The following ZDHHC14 variants were observed in gnomAD, a reference collection of about 807,000 sequenced individuals.
ZDHHC14 encodes the protein palmitoyltransferase ZDHHC14.
Under a neutral mutation model 47.7 loss-of-function variants are expected in ZDHHC14, and 16 were observed. The observed-to-expected ratio is 0.34, with a 90% CI of 0.23 to 0.51. ZDHHC14 has a LOEUF of 0.51. Among genes scored for constraint, ZDHHC14 ranks in the 20% least tolerant of loss-of-function variants. The pLI is 0.97. For missense variants in ZDHHC14, 515 were observed against 662.5 expected (o/e 0.78, Z 2.44); for synonymous variants, 293 against 278.9 (o/e 1.05, Z -0.50).
At chr6:157,646,955 T>C (rs1777584435) in intron 6 of ZDHHC14, among the ~76,000 whole-genome samples, 1 of 152,206 alleles carries the variant, frequency 6.6e-6, no homozygotes. Context: ...TAATTATTAT[T>C]TAGGGCACTA....
At chr6:157,663,822 C>T (rs1778441451) in intron 8 of ZDHHC14, among the ~76,000 whole-genome samples, 1 of 152,214 alleles carries the variant, frequency 6.6e-6, no homozygotes, top group Non-Finnish European at 1.5e-5. Context: ...ATACCACATG[C>T]TGTTCCAAGC....
chr6:157,601,266 C>T (rs2114906920), intron 3 of ZDHHC14, among the ~76,000 whole-genome samples: 1 of 152,238 alleles, frequency 6.6e-6, no homozygotes, highest in South Asian at 2.1e-4. Flanking sequence ...AAAACACTGC[C>T]ATGATTTACA....
At chr6:157,570,523 G>A (rs977973841) in intron 2 of ZDHHC14, among the ~76,000 whole-genome samples, 12 of 152,078 alleles carry the variant, frequency 7.9e-5, no homozygotes, top group African/African-American at 2.9e-4. Context: ...ACAATTTGAG[G>A]GAAATTAAAA....
intron 1 of ZDHHC14, among the ~76,000 whole-genome samples, chr6:157,467,802 G>A (rs1340404771): frequency 1.3e-5 from 2 of 151,942 alleles, no homozygotes; most frequent in Non-Finnish European, 2.9e-5. Context: ...CGCCCATCCC[G>A]GCCTCCCAAA....
chr6:157,484,148 A>G (rs1377832449), intron 1 of ZDHHC14, among the ~76,000 whole-genome samples: 2 of 151,226 alleles, frequency 1.3e-5, no homozygotes, highest in Admixed American at 6.6e-5. Flanking sequence ...TCTTGAGGGT[A>G]GGGGGTGCGG....
rs550363901 is a variant in ZDHHC14 at position 157,401,005 on chromosome 6, T to C, written c.245+18739T>C. ...CTAAATCAGTCTTTCTAGCACTGCA[T>C]TGAAAACAATATGCCCTTGAGTGGA... On this transcript the variant is annotated intron_variant, in intron 1 of 8. Transcript: ENST00000359775. Among the ~76,000 whole-genome samples the C allele has an allele frequency of 2.0e-5, 3 of 152,366 alleles. No individual in the cohort carries two copies. In the South Asian group the frequency reaches 6.2e-4, roughly 32 times the overall value.
chr6:157,639,711 C>T (rs1777155699), intron 5 of ZDHHC14, among the ~76,000 whole-genome samples: 1 of 152,096 alleles, frequency 6.6e-6, no homozygotes, highest in African/African-American at 2.4e-5. Context: ...TAGGGAGAAG[C>T]AGGGCAGTGG....
At chr6:157,509,025 T>A (rs925688373) in intron 1 of ZDHHC14, among the ~76,000 whole-genome samples, 2 of 152,184 alleles carry the variant, frequency 1.3e-5, no homozygotes, top group African/African-American at 2.4e-5. Context: ...GGCCAGGGGT[T>A]AACCTCAGCT....
intron 1 of ZDHHC14, among the ~76,000 whole-genome samples, chr6:157,480,912 A>G (rs1223169270): frequency 1.3e-5 from 2 of 152,238 alleles, no homozygotes; most frequent in Non-Finnish European, 2.9e-5. Flanking sequence ...TCTTGAAAAT[A>G]AAATTTTGAT....
chr6:157,522,834 TCCCTTCCTTCCTTC>T (rs1318872152), intron 1 of ZDHHC14, among the ~76,000 whole-genome samples: 1 of 41,126 alleles, frequency 2.4e-5, no homozygotes, highest in Non-Finnish European at 4.0e-5. Flanking sequence ...CCTCCCTCCC[TCCCTTCCTTCCTTC>T]CTTTCCTCCC....
At chr6:157,465,730 A>G (rs1388893218) in intron 1 of ZDHHC14, among the ~76,000 whole-genome samples, 6 of 152,148 alleles carry the variant, frequency 3.9e-5, no homozygotes, top group African/African-American at 1.4e-4. Flanking sequence ...GTCACTCTCC[A>G]GAGGTCTGAA....
intron 1 of ZDHHC14, among the ~76,000 whole-genome samples, chr6:157,386,345 T>C (rs182331603): frequency 7.2e-5 from 11 of 152,230 alleles, no homozygotes; most frequent in Admixed American, 5.2e-4. Flanking sequence ...CATCTCTAAG[T>C]TTTTAAATAA....
chr6:157,434,433 G>A (rs1487327006), intron 1 of ZDHHC14, among the ~76,000 whole-genome samples: 1 of 152,016 alleles, frequency 6.6e-6, no homozygotes, highest in Admixed American at 6.6e-5. Context: ...CTGGACTGGA[G>A]TGGCCCTGCG....
intron 5 of ZDHHC14, among the ~76,000 whole-genome samples, chr6:157,637,078 CTGTG>C (rs2114967211): frequency 6.6e-6 from 1 of 152,296 alleles, no homozygotes; most frequent in Non-Finnish European, 1.5e-5. Context: ...TACTGGATTG[CTGTG>C]TGTTTTTGAA....
At chr6:157,588,276 TATAA>T (rs1223897806) in intron 2 of ZDHHC14, among the ~76,000 whole-genome samples, 1 of 150,784 alleles carries the variant, frequency 6.6e-6, no homozygotes, top group Non-Finnish European at 1.5e-5. Flanking sequence ...TAAATAAATA[TATAA>T]ATAAATAAAT....
chr6:157,416,972 G>GTTTTTTTTTT lies in ZDHHC14; in HGVS notation c.245+34726_245+34735dup, dbSNP rs71027335. On this transcript the variant is annotated intron_variant, in intron 1 of 8. Transcript: ENST00000359775. ...AGGTGCCCGCCACCATGCCTGGCTA[G>GTTTTTTTTTT]TTTTTTTTTTTTTTTTTTTTTTTTT... Among the ~76,000 whole-genome samples, 65 of 45,556 alleles carry GTTTTTTTTTT rather than the reference G, an allele frequency of 1.4e-3. 3 individuals carry two copies. Among genetic ancestry groups the GTTTTTTTTTT allele is most frequent in the African/African-American group, 3.9e-3 (35 of 9,058 alleles). The allele number at this position is 45,556 out of a possible 152,430, so 29.9% of individuals were successfully genotyped here.
intron 1 of ZDHHC14, among the ~76,000 whole-genome samples, chr6:157,498,038 T>TC (rs1280202431): frequency 6.6e-6 from 1 of 152,238 alleles, no homozygotes; most frequent in African/African-American, 2.4e-5. Flanking sequence ...CTGCTTTTCT[T>TC]CATCTGGAAC....
At chr6:157,425,695 G>A (rs536267688) in intron 1 of ZDHHC14, among the ~76,000 whole-genome samples, 1 of 152,280 alleles carries the variant, frequency 6.6e-6, no homozygotes, top group Admixed American at 6.5e-5. Context: ...CTGGTGTTCT[G>A]AAGTAGAAAC....
intron 3 of ZDHHC14, among the ~76,000 whole-genome samples, chr6:157,626,890 T>C (rs1044489269): frequency 7.4e-6 from 1 of 135,290 alleles, no homozygotes; most frequent in African/African-American, 2.7e-5. Context: ...CTTTTCCAGC[T>C]GGGGGGGGGG....
Sources: gnomAD v4.1 joint callset for allele counts (sites outside exome capture counted in the v4.1 genomes callset) on GRCh38, gnomAD v4.1.1 for gene constraint, MANE v1.5 for transcripts, NCBI Gene and HGNC (gene_info 2026-07-23, HGNC 2026-07-21) for gene names.